Variants in ZNF804B observed in about 807,000 individuals in gnomAD.
The protein encoded by ZNF804B is zinc finger protein 804B.
A neutral mutation model predicts 101.4 loss-of-function variants in ZNF804B; 80 were observed. That is an observed-to-expected ratio of 0.79 (90% confidence interval 0.66 to 0.95). The LOEUF (loss-of-function observed/expected upper bound fraction) is 0.95, where lower values mean the gene tolerates loss of function less well. ZNF804B is among the 40% of genes least tolerant of loss of function. The pLI, the probability that ZNF804B is intolerant of heterozygous loss-of-function variation, is 0.00. For synonymous variants in ZNF804B, 622 were observed against 558.8 expected (o/e 1.11, Z -1.59); for missense variants, 1,673 against 1,561.9 (o/e 1.07, Z -1.20).
At chr7:88,985,726 G>A (rs1793750163) in intron 1 of ZNF804B, among the ~76,000 whole-genome samples, 1 of 152,098 alleles carries the variant, frequency 6.6e-6, no homozygotes. Context: ...ATAGGGCAAG[G>A]ATCAGAGATA....
At chr7:89,012,563 C>A (rs1396965749) in intron 1 of ZNF804B, among the ~76,000 whole-genome samples, 1 of 152,154 alleles carries the variant, frequency 6.6e-6, no homozygotes, top group Non-Finnish European at 1.5e-5. Flanking sequence ...TAAAGCATAA[C>A]AAGGGTGACC....
intron 2 of ZNF804B, among the ~76,000 whole-genome samples, chr7:89,245,640 T>C (rs1460553014): frequency 6.6e-6 from 1 of 152,178 alleles, no homozygotes; most frequent in Non-Finnish European, 1.5e-5. Flanking sequence ...TTTTCCAAGA[T>C]GGTGGATTAG....
chr7:89,234,482 T>C (rs10264368), intron 2 of ZNF804B, among the ~76,000 whole-genome samples: 90,286 of 151,922 alleles, frequency 0.59, 27,341 homozygotes, highest in African/African-American at 0.64. Context: ...CCACCTGTGA[T>C]GGTTAATATT....
intron 1 of ZNF804B, among the ~76,000 whole-genome samples, chr7:88,844,389 A>G (rs1791338349): frequency 1.3e-5 from 2 of 152,096 alleles, no homozygotes; most frequent in East Asian, 1.9e-4. Context: ...ATCACCCCCA[A>G]CCTTCTTTTT....
At chr7:89,223,282 C>T (rs923161646) in intron 2 of ZNF804B, among the ~76,000 whole-genome samples, 6 of 151,846 alleles carry the variant, frequency 4.0e-5, no homozygotes, top group Admixed American at 2.6e-4. Context: ...GAAATCCATT[C>T]TATTACTCAT....
At chr7:89,300,098 C>A (rs935300210) in intron 2 of ZNF804B, among the ~76,000 whole-genome samples, 1 of 151,466 alleles carries the variant, frequency 6.6e-6, no homozygotes, top group Non-Finnish European at 1.5e-5. Flanking sequence ...ACTTTATCTA[C>A]GCTACTACCT....
intron 1 of ZNF804B, among the ~76,000 whole-genome samples, chr7:88,784,037 C>T (rs1307593494): frequency 1.3e-5 from 2 of 152,102 alleles, no homozygotes; most frequent in South Asian, 2.1e-4. Flanking sequence ...CATTATTGCT[C>T]TTTAAAGTCA....
Position 89,013,292 on chromosome 7 carries a change from A to T in ZNF804B, c.109-204863A>T, listed in dbSNP as rs185029434. Among the ~76,000 whole-genome samples the T allele has an allele frequency of 1.3e-4, 20 of 151,426 alleles. No homozygotes were observed. In the East Asian group the frequency reaches 2.9e-3, roughly 22 times the overall value. ...TGCGAGCAGTTAAGAGAGAAGAAAC[A>T]TATGAGAATTAGAAAGCTAGTACTC... On this transcript the variant is annotated intron_variant, in intron 1 of 3. Transcript: ENST00000333190.
chr7:89,131,088 G>T (rs933497865), intron 1 of ZNF804B, among the ~76,000 whole-genome samples: 2 of 151,906 alleles, frequency 1.3e-5, no homozygotes, highest in African/African-American at 4.8e-5. Context: ...TCAGAATCTT[G>T]TCTGCCCTCC....
intron 3 of ZNF804B, among the ~76,000 whole-genome samples, chr7:89,333,147 G>A (rs1232799997): frequency 6.6e-6 from 1 of 151,762 alleles, no homozygotes; most frequent in Non-Finnish European, 1.5e-5. Context: ...ATTGCTTTTT[G>A]GTAATTGCAA....
intron 2 of ZNF804B, among the ~76,000 whole-genome samples, chr7:89,245,861 C>T (rs1789437269): frequency 6.6e-6 from 1 of 152,142 alleles, no homozygotes; most frequent in African/African-American, 2.4e-5. Flanking sequence ...AGGCAGACAG[C>T]CTCCTTCTGT....
intron 1 of ZNF804B, among the ~76,000 whole-genome samples, chr7:88,913,643 G>A (rs1353309933): frequency 2.6e-5 from 4 of 152,074 alleles, no homozygotes; most frequent in African/African-American, 7.2e-5. Context: ...TGATCCACCC[G>A]CCTCGGCCTC....
At chr7:88,845,298 C>CGT (rs879633459) in intron 1 of ZNF804B, among the ~76,000 whole-genome samples, 1 of 87,032 alleles carries the variant, frequency 1.1e-5, no homozygotes, top group Non-Finnish European at 2.2e-5. Context: ...CGCGCACGCG[C>CGT]GCGCACACAC....
intron 1 of ZNF804B, among the ~76,000 whole-genome samples, chr7:89,119,442 T>C (rs1790365274): frequency 6.6e-6 from 1 of 152,232 alleles, no homozygotes; most frequent in Non-Finnish European, 1.5e-5. Context: ...TTCACTAAAC[T>C]ACCTTTCCAG....
At position 88,794,852 on chromosome 7, in the gene ZNF804B, G is replaced by A. The variant is rs745954352; in HGVS notation, c.108+34768G>A. ...CGTTGTTTCTCTTCTTGAAAGTGCA[G>A]GTAATTGCTACGTGGGACTTGGAGA... On this transcript the variant is annotated intron_variant, in intron 1 of 3. Transcript: ENST00000333190. The A allele has an allele frequency of 4.6e-5, 75 of 1,613,494 alleles. 1 individual carries two copies. The South Asian group carries it at 7.9e-4, about 17-fold the overall frequency.
chr7:88,939,814 TATGAA>T (rs942733529), intron 1 of ZNF804B, among the ~76,000 whole-genome samples: 2 of 151,310 alleles, frequency 1.3e-5, no homozygotes, highest in Admixed American at 1.3e-4. Flanking sequence ...AGTGGGTCAG[TATGAA>T]ATAATAGACA....
chr7:89,208,248 A>AT (rs537283148), intron 1 of ZNF804B, among the ~76,000 whole-genome samples: 274 of 151,810 alleles, frequency 1.8e-3, no homozygotes, highest in Non-Finnish European at 2.9e-3. Flanking sequence ...CGCCTGGCTA[A>AT]TTTTTTTGTA....
At chr7:89,010,825 A>T (rs1788448174) in intron 1 of ZNF804B, among the ~76,000 whole-genome samples, 1 of 152,190 alleles carries the variant, frequency 6.6e-6, no homozygotes, top group South Asian at 2.1e-4. Context: ...TAGTGTTTCA[A>T]ATGTTATGTT....
chr7:89,280,259 G>C (rs1392747949), intron 2 of ZNF804B, among the ~76,000 whole-genome samples: 2 of 151,772 alleles, frequency 1.3e-5, no homozygotes, highest in East Asian at 1.9e-4. Flanking sequence ...ATTCAAAGCA[G>C]TGTGTAGAGA....
Sources: allele counts gnomAD v4.1 joint callset (sites outside exome capture counted in the v4.1 genomes callset), GRCh38; gene constraint gnomAD v4.1.1; transcripts MANE v1.5; gene names NCBI Gene and HGNC (gene_info 2026-07-23, HGNC 2026-07-21).